The following GALNT11 variants were observed in gnomAD, a reference collection of about 807,000 sequenced individuals.
The protein encoded by GALNT11 is polypeptide N-acetylgalactosaminyltransferase 11.
GALNT11 carries 47 observed loss-of-function variants against 72.7 expected under a neutral mutation model. That is an observed-to-expected ratio of 0.65 (90% CI 0.51 to 0.82). The LOEUF is 0.82. Among genes scored for constraint, GALNT11 ranks in the 40% least tolerant of loss-of-function variants. GALNT11 has a pLI of 0.00. For missense variants in GALNT11, 677 were observed against 778.4 expected (o/e 0.87, Z 1.55); for synonymous variants, 270 against 286.6 (o/e 0.94, Z 0.58).
At chr7:152,049,506 C>T (rs1183188949) in intron 1 of GALNT11, among the ~76,000 whole-genome samples, 1 of 152,170 alleles carries the variant, frequency 6.6e-6, no homozygotes, top group Non-Finnish European at 1.5e-5. Context: ...TGCTGAGCTT[C>T]CTGGAGCTGG....
intron 1 of GALNT11, among the ~76,000 whole-genome samples, chr7:152,084,380 T>TA (rs11447244): frequency 0.074 from 7,735 of 105,180 alleles, 510 homozygotes; most frequent in African/African-American, 0.16. Flanking sequence ...CCTGTCTCTT[T>TA]AAAAAAAAAA....
At chr7:152,028,989 A>G (rs562341627) in intron 1 of GALNT11, among the ~76,000 whole-genome samples, 3 of 152,378 alleles carry the variant, frequency 2.0e-5, no homozygotes, top group African/African-American at 4.8e-5. Flanking sequence ...GATGGCTGCC[A>G]CAGGACCTAG....
intron 8 of GALNT11, chr7:152,116,902 A>G: frequency 1.6e-6 from 1 of 627,718 alleles, no homozygotes; most frequent in Non-Finnish European, 2.9e-6. Flanking sequence ...AAATATGAAC[A>G]GACACAGCCC....
At position 152,094,404 on chromosome 7, in the gene GALNT11, C is replaced by T. The variant is rs753490086; in HGVS notation, c.177C>T (p.Phe59=). 1 of 1,614,198 alleles carries T rather than the reference C, an allele frequency of 6.2e-7. No individual in the cohort carries two copies. The highest frequency in any genetic ancestry group is 8.5e-7 in the Non-Finnish European group (1 of 1,180,036). ...CTCCAAAAAAATTCTATCCCCGTTT[C>T]ACTCGAGGCCCAAGTCGAGTGCTCG... is the stretch of plus-strand genomic sequence containing the variant. ...GPSPKKFYPR[F]TRGPSRVLEP... is the part of the protein sequence containing the mutation. The change falls in exon 2 of 12, where the codon TTC becomes TTT. Residue 59 remains phenylalanine, a synonymous_variant. Transcript: ENST00000430044. This position sits in a 1 kb window ranked among gnomAD's most constrained non-coding sequence, Gnocchi z 4.3.
At chr7:152,086,989 A>C (rs1393477509) in intron 1 of GALNT11, among the ~76,000 whole-genome samples, 1 of 152,240 alleles carries the variant, frequency 6.6e-6, no homozygotes, top group Non-Finnish European at 1.5e-5. Context: ...AGATTTGTTT[A>C]GAAATTTGCA....
intron 3 of GALNT11, among the ~76,000 whole-genome samples, chr7:152,102,068 G>C (rs1188713572): frequency 6.6e-6 from 1 of 151,746 alleles, no homozygotes; most frequent in Non-Finnish European, 1.5e-5. Flanking sequence ...TTATTATTGG[G>C]CAAAAAAATA....
At chr7:152,111,108 A>C (rs962263366) in intron 7 of GALNT11, among the ~76,000 whole-genome samples, 3 of 152,082 alleles carry the variant, frequency 2.0e-5, no homozygotes, top group African/African-American at 7.2e-5. Flanking sequence ...TGGCTAGGAA[A>C]ACAACAACAA....
chr7:152,042,860 G>A (rs538092399), intron 1 of GALNT11, among the ~76,000 whole-genome samples: 1 of 152,286 alleles, frequency 6.6e-6, no homozygotes, highest in East Asian at 1.9e-4. Flanking sequence ...TACTTTAGGG[G>A]CTTTACCACT....
At chr7:152,064,868 C>T (rs1410050618) in intron 1 of GALNT11, among the ~76,000 whole-genome samples, 6 of 152,338 alleles carry the variant, frequency 3.9e-5, no homozygotes. Flanking sequence ...CGACCTTTGT[C>T]TCTGGCTGCC....
intron 1 of GALNT11, among the ~76,000 whole-genome samples, chr7:152,091,043 G>T (rs2085992635): frequency 6.6e-6 from 1 of 151,566 alleles, no homozygotes; most frequent in South Asian, 2.1e-4. Context: ...GGGAGTTTTT[G>T]TTGTTGTTGT....
At chr7:152,089,998 C>T (rs1159170210) in intron 1 of GALNT11, among the ~76,000 whole-genome samples, 1 of 152,210 alleles carries the variant, frequency 6.6e-6, no homozygotes, top group Non-Finnish European at 1.5e-5. Context: ...ATAGAAACTA[C>T]ACCTACATTT....
intron 1 of GALNT11, among the ~76,000 whole-genome samples, chr7:152,086,944 A>G (rs1298256120): frequency 6.6e-6 from 1 of 152,226 alleles, no homozygotes; most frequent in East Asian, 1.9e-4. Context: ...TATGCATAGT[A>G]TTAAGGTATT....
rs79009012 is a variant in GALNT11 at position 152,054,633 on chromosome 7, C to T, written c.-39+28749C>T. 8.4e-3 allele frequency among the ~76,000 whole-genome samples: 1,267 copies of T among 151,236 alleles called. 43 individuals are homozygous for T. In the East Asian group the frequency reaches 0.1, roughly 12 times the overall value. ...CTCAAGTGATCCTTCTGCTGCAGTC[C>T]GCTGAGTAGCTGGGAACACAGGTGC... On this transcript the variant is annotated intron_variant, in intron 1 of 11. Coordinates refer to ENST00000430044, the MANE Select transcript of GALNT11 (RefSeq NM_022087.4).
chr7:152,111,755 A>G (rs1033577157), intron 7 of GALNT11, among the ~76,000 whole-genome samples: 1 of 151,962 alleles, frequency 6.6e-6, no homozygotes, highest in African/African-American at 2.4e-5. Flanking sequence ...TATTTTATTG[A>G]TACTACCAGA....
chr7:152,028,788 T>C (rs1372888980), intron 1 of GALNT11, among the ~76,000 whole-genome samples: 1 of 152,146 alleles, frequency 6.6e-6, no homozygotes, highest in Admixed American at 6.5e-5. Flanking sequence ...AATTGTAGTG[T>C]CCTCCAGAGG....
intron 1 of GALNT11, among the ~76,000 whole-genome samples, chr7:152,033,480 C>T (rs997817024): frequency 6.6e-5 from 10 of 152,140 alleles, no homozygotes; most frequent in African/African-American, 2.4e-4. Flanking sequence ...GTTCAGGGCC[C>T]AGGGCTTGCT....
intron 5 of GALNT11, among the ~76,000 whole-genome samples, chr7:152,106,274 C>T (rs1488283622): frequency 2.6e-5 from 4 of 152,226 alleles, no homozygotes; most frequent in Non-Finnish European, 4.4e-5. Context: ...TGCAGTCCTT[C>T]CTATATTCCA....
At chr7:152,072,796 A>G (rs1427198273) in intron 1 of GALNT11, among the ~76,000 whole-genome samples, 5 of 152,246 alleles carry the variant, frequency 3.3e-5, no homozygotes, top group Admixed American at 2.6e-4. Context: ...ACACAGCAAT[A>G]GGGACCTCAT....
intron 1 of GALNT11, among the ~76,000 whole-genome samples, chr7:152,060,614 A>G (rs1037455743): frequency 5.9e-5 from 9 of 151,464 alleles, no homozygotes; most frequent in African/African-American, 1.9e-4. Flanking sequence ...TCCTAATGCT[A>G]TCCCTCCCCC....
Sources: allele counts gnomAD v4.1 joint callset (sites outside exome capture counted in the v4.1 genomes callset), GRCh38; gene constraint gnomAD v4.1.1; non-coding constraint Gnocchi (gnomAD v3.1); transcripts MANE v1.5; gene names NCBI Gene and HGNC (gene_info 2026-07-23, HGNC 2026-07-21).